Variants in TBC1D15 observed in about 807,000 individuals in gnomAD.
TBC1D15 encodes the protein TBC1 domain family member 15, also known as GAP for RAB7.
TBC1D15 carries 39 observed loss-of-function variants against 95.4 expected under a neutral mutation model. That is an observed-to-expected ratio of 0.41 (90% CI 0.32 to 0.53). The LOEUF (loss-of-function observed/expected upper bound fraction) is 0.53. TBC1D15 is among the 20% of genes least tolerant of loss of function. The pLI is 0.29. For missense variants in TBC1D15, 733 were observed against 794.3 expected (o/e 0.92, Z 0.93); for synonymous variants, 258 against 261.3 (o/e 0.99, Z 0.12).
In TBC1D15 at chr12:71,888,126, C is replaced by T. The variant is rs1019579422; in HGVS notation, c.554+3105C>T. ...TCTTGAATGTGTGTTGTTCATGTTTCGTGAGAGTAGCAAGTGAAAGCTTGT... is the reference window on the plus strand; with the variant it reads ...TCTTGAATGTGTGTTGTTCATGTTTTGTGAGAGTAGCAAGTGAAAGCTTGT... On this transcript the variant is annotated intron_variant, in intron 5 of 16. Transcript: ENST00000485960. Among the ~76,000 whole-genome samples the T allele has an allele frequency of 3.9e-5, 6 of 152,144 alleles. 1 individual carries two copies. Among genetic ancestry groups the T allele is most frequent in the South Asian group, 4.1e-4 (2 of 4,838 alleles).
At chr12:71,902,900 G>A (rs1899755171) in intron 10 of TBC1D15, among the ~76,000 whole-genome samples, 1 of 151,804 alleles carries the variant, frequency 6.6e-6, no homozygotes, top group Non-Finnish European at 1.5e-5. Context: ...ATTAAAAAAT[G>A]GGCAAAGGAC....
At chr12:71,895,335 G>A (rs1360849004) in intron 7 of TBC1D15, among the ~76,000 whole-genome samples, 1 of 152,006 alleles carries the variant, frequency 6.6e-6, no homozygotes, top group African/African-American at 2.4e-5. Flanking sequence ...TGCTCAGTAA[G>A]ATTTAAATTT....
At chr12:71,915,984 C>T (rs1903617844) in intron 12 of TBC1D15, among the ~76,000 whole-genome samples, 1 of 152,044 alleles carries the variant, frequency 6.6e-6, no homozygotes, top group African/African-American at 2.4e-5. Context: ...TTTGTGGTGG[C>T]TGAACCTAAC....
At chr12:71,866,449 T>C (rs961603920) in intron 1 of TBC1D15, among the ~76,000 whole-genome samples, 3 of 152,224 alleles carry the variant, frequency 2.0e-5, no homozygotes, top group African/African-American at 7.2e-5. Flanking sequence ...CTTGTTTACA[T>C]CCTTGCTTTA....
chr12:71,879,591 AC>A (rs1193816095), intron 3 of TBC1D15, among the ~76,000 whole-genome samples: 1 of 152,158 alleles, frequency 6.6e-6, no homozygotes, highest in African/African-American at 2.4e-5. Context: ...CCATTTCCTC[AC>A]GTTGTCTTCC....
At chr12:71,840,730 C>A (rs988584935) in intron 1 of TBC1D15, among the ~76,000 whole-genome samples, 64 of 152,126 alleles carry the variant, frequency 4.2e-4, no homozygotes, top group African/African-American at 1.4e-3. Flanking sequence ...GAGTTTCACT[C>A]ATGTCTCCCT....
intron 10 of TBC1D15, among the ~76,000 whole-genome samples, chr12:71,906,562 ACTT>A (rs1167702962): frequency 3.9e-5 from 6 of 152,138 alleles, no homozygotes; most frequent in Non-Finnish European, 7.4e-5. Context: ...ATTTGATTAT[ACTT>A]CTTATAATAA....
In TBC1D15 at chr12:71,858,608, C is replaced by T. The variant is rs1177481004; in HGVS notation, c.31-13462C>T. On this transcript the variant is annotated intron_variant, in intron 1 of 16. Coordinates refer to ENST00000485960, the MANE Select transcript of TBC1D15 (RefSeq NM_001146213.3). ...TCTCTTTGTTGCTCAGGCTGGAGTG[C>T]AGTAATGCAATCTTGCCTCACTGCA... Among the ~76,000 whole-genome samples, 7 of 140,006 alleles carry T rather than the reference C, an allele frequency of 5.0e-5. No individual in the cohort carries two copies. The East Asian group carries it at 1.3e-3, about 25-fold the overall frequency. The allele number at this position is 140,006 out of a possible 152,430, so 91.8% of individuals were successfully genotyped here. A position where few individuals can be genotyped will look rare whatever the true frequency, so the allele number is the denominator to read the frequency against.
chr12:71,880,788 T>C (rs1169058107), intron 4 of TBC1D15, among the ~76,000 whole-genome samples, 181 bp downstream of exon 4: 2 of 104,544 alleles, frequency 1.9e-5, no homozygotes, highest in African/African-American at 1.6e-4. Flanking sequence ...TGGTTGTGGC[T>C]TCAAAAAAAT....
In TBC1D15 at chr12:71,880,587, G is replaced by A. The variant is rs775921125; in HGVS notation, c.323G>A (p.Arg108Lys). ...WDMVNTVSFK[R>K]KPHTNGDAPS... ...ATGGTTAATACAGTTTCATTTAAAA[G>A]GAAACCACATACCAATGGAGGTATG... The change falls in exon 4 of 17, where the codon AGG (arginine) becomes AAG (lysine). Residue 108 changes from arginine (R) to lysine (K), a missense_variant. By Grantham distance (26) the Arg-to-Lys change is conservative. Transcript: ENST00000485960. 1.1e-5 allele frequency: 17 copies of A among 1,610,232 alleles called. No individual in the cohort carries two copies. In the South Asian group the frequency reaches 1.8e-4, roughly 17 times the overall value.
Position 71,893,206 on chromosome 12 carries a change from C to T in TBC1D15, c.555-16C>T, listed in dbSNP as rs765924805. The T allele has an allele frequency of 6.5e-7, 1 of 1,536,036 alleles. No homozygotes were observed. The highest frequency in any genetic ancestry group is 1.2e-5 in the South Asian group (1 of 84,562). On this transcript the variant is annotated splice_polypyrimidine_tract_variant and intron_variant, in intron 5 of 16. Transcript: ENST00000485960. Reference sequence around the variant, plus strand: ...AGTGTGTTAGTATTTTCTACAAATCCTCTTTTTTATTATAGATCTCCACAG... The same window carrying T: ...AGTGTGTTAGTATTTTCTACAAATCTTCTTTTTTATTATAGATCTCCACAG...
In TBC1D15 at chr12:71,912,933, T is replaced by C. The variant is rs148411721; in HGVS notation, c.1301-893T>C. 5.5e-3 allele frequency among the ~76,000 whole-genome samples: 844 copies of C among 152,136 alleles called. 8 individuals carry two copies. The highest frequency in any genetic ancestry group is 0.019 in the African/African-American group (809 of 41,538). On this transcript the variant is annotated intron_variant, in intron 11 of 16. Transcript: ENST00000485960. The stretch of plus-strand genomic sequence containing the variant: ...CTGAAAATTTTTCAAGTCTTGAAAA[T>C]TGTAAAACAAGGATAATTGAGGGTT...
chr12:71,854,788 C>T lies in TBC1D15; in HGVS notation c.30+14977C>T, dbSNP rs76002198. On this transcript the variant is annotated intron_variant, in intron 1 of 16. Coordinates refer to ENST00000485960, the MANE Select transcript of TBC1D15 (RefSeq NM_001146213.3). ...TCCCCCCCACCTTCTTTTGCAGATTCGCTTGGTGACAGGTGGTGCTACTTC... is the reference window on the plus strand; with the variant it reads ...TCCCCCCCACCTTCTTTTGCAGATTTGCTTGGTGACAGGTGGTGCTACTTC... 602 of 456,636 alleles carry T rather than the reference C, an allele frequency of 1.3e-3. 3 individuals carry two copies. Among genetic ancestry groups the T allele is most frequent in the African/African-American group, 0.011 (548 of 50,174 alleles). 28.3% of individuals were successfully genotyped at this position (456,636 alleles called of 1,614,324 possible). A position where few individuals can be genotyped will look rare whatever the true frequency, so the allele number is the denominator to read the frequency against.
At chr12:71,876,319 A>G (rs1426421959) in intron 3 of TBC1D15, among the ~76,000 whole-genome samples, 1 of 151,856 alleles carries the variant, frequency 6.6e-6, no homozygotes, top group Non-Finnish European at 1.5e-5. Flanking sequence ...TTTCCAATTT[A>G]CATATGTGTG....
chr12:71,894,407 A>G, intron 6 of TBC1D15: 1 of 1,605,438 alleles, frequency 6.2e-7, no homozygotes, highest in East Asian at 2.2e-5. Flanking sequence ...TGATGTATGC[A>G]GATTGAGTGA....
At chr12:71,853,859 C>G (rs1436624925) in intron 1 of TBC1D15, among the ~76,000 whole-genome samples, 1 of 152,200 alleles carries the variant, frequency 6.6e-6, no homozygotes, top group African/African-American at 2.4e-5. Flanking sequence ...ATTTCCCACT[C>G]TGACTGGTGC....
intron 4 of TBC1D15, among the ~76,000 whole-genome samples, chr12:71,883,045 A>C (rs1895523368): frequency 1.3e-5 from 2 of 152,100 alleles, no homozygotes; most frequent in South Asian, 4.1e-4. Context: ...ATTTTCTTGC[A>C]TTAATTTAGA....
chr12:71,880,269 G>A (rs1894861216), intron 3 of TBC1D15, among the ~76,000 whole-genome samples, 200 bp from the exon 4 acceptor site: 1 of 151,098 alleles, frequency 6.6e-6, no homozygotes, highest in African/African-American at 2.4e-5. Flanking sequence ...GACTGCAGGG[G>A]AGTCTAGTCA....
At chr12:71,920,006 C>T (rs1444606384) in intron 14 of TBC1D15, among the ~76,000 whole-genome samples, 2 of 152,084 alleles carry the variant, frequency 1.3e-5, no homozygotes, top group Non-Finnish European at 2.9e-5. Context: ...TTGATTTACT[C>T]CTTTTGAAAG....
Sources: gnomAD v4.1 joint callset for allele counts (sites outside exome capture counted in the v4.1 genomes callset) on GRCh38, gnomAD v4.1.1 for gene constraint, MANE v1.5 for transcripts, NCBI Gene and HGNC (gene_info 2026-07-23, HGNC 2026-07-21) for gene names.